SLC4A7: variants seen among roughly 807,000 people sequenced by gnomAD.
SLC4A7 encodes the protein sodium bicarbonate cotransporter 3.
A neutral mutation model predicts 137.6 loss-of-function variants in SLC4A7; 51 were observed. The observed-to-expected ratio is 0.37, with a 90% confidence interval of 0.30 to 0.47. The LOEUF is 0.47. SLC4A7 is among the 20% of genes least tolerant of loss of function. The probability of loss-of-function intolerance (pLI) is 1.00; values close to 1 mark genes in which losing one functional copy is unlikely to be tolerated. For missense variants in SLC4A7, 1,247 were observed against 1,525.4 expected, an observed-to-expected ratio of 0.82 and a Z score of 3.04; for synonymous variants, 542 against 518.6, an observed-to-expected ratio of 1.05 and a Z score of -0.61.
At chr3:27,378,878 T>C (rs527616352) in intron 25 of SLC4A7, among the ~76,000 whole-genome samples, 2 of 152,366 alleles carry the variant, frequency 1.3e-5, no homozygotes, top group South Asian at 4.1e-4. Context: ...ATATGAAATT[T>C]ACTTTTATGA....
Position 27,445,105 on chromosome 3 carries a change from C to T in SLC4A7, c.289+3546G>A, listed in dbSNP as rs945961333. 4.7e-4 allele frequency among the ~76,000 whole-genome samples: 71 copies of T among 152,182 alleles called. 1 individual carries two copies. The highest frequency in any genetic ancestry group is 1.5e-4 in the Non-Finnish European group (10 of 68,036). ...GTCTTTCCATTGTGGCTGAAGGGAA[C>T]GCAAACTATTCCCAGCCTTGTGTGA... On this transcript the variant is annotated intron_variant, in intron 3 of 25. Transcript: ENST00000454389.
chr3:27,388,366 T>C (rs1476835835), intron 22 of SLC4A7, among the ~76,000 whole-genome samples: 1 of 152,188 alleles, frequency 6.6e-6, no homozygotes, highest in African/African-American at 2.4e-5. Context: ...TCAGTGTTTT[T>C]TGAGAAAAAT....
chr3:27,431,587 T>C lies in SLC4A7; in HGVS notation c.861A>G (p.Leu287=). ...GAAGAAGATGACCAAGAAGAAGAGATAAAGGTGATTCTCCTCTCAAGGAAA... is the reference window on the plus strand; with the variant it reads ...GAAGAAGATGACCAAGAAGAAGAGACAAAGGTGATTCTCCTCTCAAGGAAA... ...SNLSLRGESP[L]SLLLGHLLPS... is the part of the protein sequence containing the mutation. Residue 287 remains leucine, a synonymous_variant, in exon 7 of 26, where the codon TTA becomes TTG. Coordinates refer to ENST00000454389, the MANE Select transcript of SLC4A7 (RefSeq NM_001321103.2). The C allele has an allele frequency of 1.2e-6, 2 of 1,613,978 alleles. No homozygotes were observed. The highest frequency in any genetic ancestry group is 1.7e-6 in the Non-Finnish European group (2 of 1,179,940).
At chr3:27,427,118 A>G (rs563327922) in intron 7 of SLC4A7, among the ~76,000 whole-genome samples, 6 of 152,290 alleles carry the variant, frequency 3.9e-5, no homozygotes, top group East Asian at 3.9e-4. Context: ...GTCTGGAGAC[A>G]TATTTGGTTG....
At chr3:27,452,999 A>G (rs914514919) in intron 1 of SLC4A7, among the ~76,000 whole-genome samples, 2 of 152,238 alleles carry the variant, frequency 1.3e-5, no homozygotes, top group Admixed American at 1.3e-4. Flanking sequence ...AAGAGCTAAC[A>G]AAAGTTAAAA....
At chr3:27,472,220 G>A (rs1370952341) in intron 1 of SLC4A7, among the ~76,000 whole-genome samples, 1 of 152,206 alleles carries the variant, frequency 6.6e-6, no homozygotes, top group Admixed American at 6.5e-5. Context: ...GCAGATGATA[G>A]CAAATAAGTT....
chr3:27,481,564 G>A (rs915183953), intron 1 of SLC4A7, among the ~76,000 whole-genome samples: 3 of 152,172 alleles, frequency 2.0e-5, no homozygotes, highest in Non-Finnish European at 4.4e-5. Context: ...CTGGGTGAGC[G>A]AAGATTTAAT....
At chr3:27,453,198 T>TC (rs2058191076) in intron 1 of SLC4A7, among the ~76,000 whole-genome samples, 1 of 152,200 alleles carries the variant, frequency 6.6e-6, no homozygotes, top group Admixed American at 6.5e-5. Context: ...AGCTTTAACT[T>TC]CCCTTCTCAA....
At chr3:27,398,115 C>T (rs2052383337) in intron 17 of SLC4A7, 77 bp downstream of exon 17, 2 of 1,029,946 alleles carry the variant, frequency 1.9e-6, no homozygotes, top group East Asian at 2.4e-5. Flanking sequence ...AAATATATTA[C>T]TGTTTTGAAA....
chr3:27,443,091 G>A (rs1428836509), intron 3 of SLC4A7, among the ~76,000 whole-genome samples: 1 of 143,986 alleles, frequency 6.9e-6, no homozygotes, highest in African/African-American at 2.6e-5. Flanking sequence ...GAGTGCAGTG[G>A]TGAGATCTCA....
rs2057860937 is a variant in SLC4A7 at position 27,448,782 on chromosome 3, T to C, written c.158A>G (p.Tyr53Cys). The C allele has an allele frequency of 1.2e-6, 2 of 1,610,224 alleles. No individual in the cohort carries two copies. Among genetic ancestry groups the C allele is most frequent in the Non-Finnish European group, 1.7e-6 (2 of 1,178,416 alleles). Reference sequence around the variant, plus strand: ...ACTAAACGGGACGTGAACACCAATATATACAGCTCTATGACCTATTAAAAG... The same window carrying C: ...ACTAAACGGGACGTGAACACCAATACATACAGCTCTATGACCTATTAAAAG... ...KEELESHRAV[Y>C]IGVHVPFSKE... The change falls in exon 3 of 26, where the codon TAT becomes TGT. Residue 53 changes from tyrosine (Y) to cysteine (C), a missense_variant. Tyr to Cys is a radical substitution (Grantham distance 194). Coordinates refer to ENST00000454389, the MANE Select transcript of SLC4A7 (RefSeq NM_001321103.2).
At chr3:27,416,594 T>A (rs1253429478) in intron 11 of SLC4A7, among the ~76,000 whole-genome samples, 1 of 152,198 alleles carries the variant, frequency 6.6e-6, no homozygotes, top group Non-Finnish European at 1.5e-5. Flanking sequence ...TTTCAAATTA[T>A]CAAAAAACTT....
intron 18 of SLC4A7, among the ~76,000 whole-genome samples, chr3:27,395,515 T>C (rs1403512231): frequency 6.6e-6 from 1 of 152,226 alleles, no homozygotes; most frequent in Non-Finnish European, 1.5e-5. Context: ...TAAGCCTAGA[T>C]AAGCTTTCTT....
intron 1 of SLC4A7, among the ~76,000 whole-genome samples, chr3:27,470,489 G>A (rs1408144073): frequency 6.6e-6 from 1 of 151,312 alleles, no homozygotes; most frequent in Non-Finnish European, 1.5e-5. Context: ...ATATATATAT[G>A]ACTGATACAT....
chr3:27,399,510 C>T (rs1010629079), intron 16 of SLC4A7, among the ~76,000 whole-genome samples: 8 of 152,146 alleles, frequency 5.3e-5, no homozygotes, highest in Non-Finnish European at 1.2e-4. Flanking sequence ...TCACAGCTCA[C>T]TGTAATCTCC....
intron 19 of SLC4A7, 82 bp downstream of exon 19, chr3:27,394,872 C>A (rs1207303536): frequency 2.8e-5 from 43 of 1,536,818 alleles, no homozygotes; most frequent in Non-Finnish European, 3.7e-5. Flanking sequence ...TTTCATCTTA[C>A]ATCTTTTAAT....
chr3:27,394,610 G>A lies in SLC4A7; in HGVS notation c.3025C>T (p.Pro1009Ser), dbSNP rs751899856. Residue 1009 changes from proline (P) to serine (S), a missense_variant, in exon 20 of 26, where the codon CCC becomes TCC. Transcript: ENST00000454389. The part of the protein sequence containing the change: ...ESECSAPGEQ[P>S]KFLGIREQRV... ...TGTTCACGAATTCCCAAAAACTTGGGTTGTTCCCCTGGAGCAGAACATTCA... is the reference window on the plus strand; with the variant it reads ...TGTTCACGAATTCCCAAAAACTTGGATTGTTCCCCTGGAGCAGAACATTCA... 1.9e-6 allele frequency: 3 copies of A among 1,614,092 alleles called. No individual in the cohort carries two copies. The highest frequency in any genetic ancestry group is 2.5e-6 in the Non-Finnish European group (3 of 1,179,994).
chr3:27,406,170 C>T (rs1449593723), intron 13 of SLC4A7, among the ~76,000 whole-genome samples: 1 of 152,200 alleles, frequency 6.6e-6, no homozygotes, highest in Non-Finnish European at 1.5e-5. Context: ...CTGACTGCTA[C>T]TAGGTGTTCA....
intron 1 of SLC4A7, among the ~76,000 whole-genome samples, chr3:27,469,655 A>C (rs2059153596): frequency 6.6e-6 from 1 of 152,188 alleles, no homozygotes; most frequent in East Asian, 1.9e-4. Flanking sequence ...CAGGAGGCTG[A>C]GGCAGGAGAA....
Sources: gnomAD v4.1 joint callset for allele counts (sites outside exome capture counted in the v4.1 genomes callset) on GRCh38, gnomAD v4.1.1 for gene constraint, MANE v1.5 for transcripts, NCBI Gene and HGNC (gene_info 2026-07-23, HGNC 2026-07-21) for gene names.